RNF111: variants seen among roughly 807,000 people sequenced by gnomAD.
The protein encoded by RNF111 is E3 ubiquitin-protein ligase Arkadia.
A neutral mutation model predicts 95.1 loss-of-function variants in RNF111; 17 were observed. The observed-to-expected ratio is 0.18, with a 90% confidence interval of 0.12 to 0.27. The LOEUF is 0.27. Among genes scored for constraint, RNF111 ranks in the 10% least tolerant of loss-of-function variants. RNF111 has a pLI of 1.00. For synonymous variants in RNF111, 440 were observed against 414.8 expected (o/e 1.06, Z -0.74); for missense variants, 1,189 against 1,210.4 (o/e 0.98, Z 0.26).
chr15:59,047,849 A>T (rs1249705742), intron 2 of RNF111, among the ~76,000 whole-genome samples: 1 of 152,254 alleles, frequency 6.6e-6, no homozygotes, highest in African/African-American at 2.4e-5. Flanking sequence ...TGCTGGGATT[A>T]TAGGCGTGAG....
At chr15:59,049,425 C>A (rs1596199235) in intron 2 of RNF111, 1 of 174,730 alleles carries the variant, frequency 5.7e-6, no homozygotes, top group East Asian at 1.3e-4. Flanking sequence ...GTTATAGGTT[C>A]CAGCAGTTCA....
At chr15:59,052,605 A>C (rs1161179200) in intron 3 of RNF111, among the ~76,000 whole-genome samples, 174 bp downstream of exon 3, 1 of 139,876 alleles carries the variant, frequency 7.1e-6, no homozygotes, top group African/African-American at 2.8e-5. Context: ...AAGAGATAGA[A>C]TATTGCTATG....
chr15:59,031,446 G>T lies in RNF111; in HGVS notation c.624G>T (p.Arg208=), dbSNP rs767750345. The change falls in exon 2 of 14, where the codon CGG becomes CGT. Residue 208 remains arginine, a synonymous_variant. Transcript: ENST00000348370. ...CCTGTTTACATGGCAGTTCGTTACG[G>T]AGACTTCCATGCAGAAAGAGATTTG... ...KRPCLHGSSL[R]RLPCRKRFVK... is the part of the protein sequence containing the mutation. 1.4e-5 allele frequency: 23 copies of T among 1,614,082 alleles called. No homozygotes were observed. The highest frequency in any genetic ancestry group is 1.8e-5 in the Non-Finnish European group (21 of 1,180,058).
intron 2 of RNF111, among the ~76,000 whole-genome samples, chr15:59,047,110 A>G (rs558301821): frequency 9.6e-4 from 146 of 152,234 alleles, no homozygotes; most frequent in African/African-American, 3.3e-3. Flanking sequence ...GGCATGAGCC[A>G]TCATGCCTGG....
At chr15:59,012,242 C>A (rs1247152531) in intron 1 of RNF111, among the ~76,000 whole-genome samples, 6 of 152,004 alleles carry the variant, frequency 3.9e-5, no homozygotes, top group Admixed American at 3.9e-4. Flanking sequence ...TGGTCTCGAA[C>A]TTCTGACCTC....
At position 59,088,010 on chromosome 15, in the gene RNF111, T is replaced by A. The variant is rs80161405; in HGVS notation, c.2551-1657T>A. Among the ~76,000 whole-genome samples the A allele has an allele frequency of 9.6e-3, 1,466 of 152,270 alleles. 30 individuals are homozygous for A. The highest frequency in any genetic ancestry group is 0.037 in the East Asian group (191 of 5,182). On this transcript the variant is annotated intron_variant, in intron 10 of 13. Transcript: ENST00000348370. Reference sequence around the variant, plus strand: ...AGACAGTGAATATAGCCTTCTTGCTTTATAAGCTTGGCTGTGAAGGGAAAG... The same window carrying A: ...AGACAGTGAATATAGCCTTCTTGCTATATAAGCTTGGCTGTGAAGGGAAAG...
chr15:59,005,029 T>G (rs760843722), intron 1 of RNF111, among the ~76,000 whole-genome samples: 9 of 152,146 alleles, frequency 5.9e-5, no homozygotes, highest in Non-Finnish European at 1.2e-4. Flanking sequence ...CCTACATGGT[T>G]TAAATTATTT....
At chr15:59,014,486 C>T (rs2039974521) in intron 1 of RNF111, among the ~76,000 whole-genome samples, 1 of 152,130 alleles carries the variant, frequency 6.6e-6, no homozygotes, top group Non-Finnish European at 1.5e-5. Context: ...TAATACTTGG[C>T]AGTATCTATG....
At chr15:59,003,093 A>G (rs1470736883) in intron 1 of RNF111, among the ~76,000 whole-genome samples, 3 of 152,182 alleles carry the variant, frequency 2.0e-5, no homozygotes, top group African/African-American at 7.2e-5. Flanking sequence ...CCTGGCCTCA[A>G]GTGATCCTAC....
intron 4 of RNF111, among the ~76,000 whole-genome samples, chr15:59,057,033 A>G (rs1394574632): frequency 1.3e-5 from 2 of 152,154 alleles, no homozygotes; most frequent in East Asian, 3.9e-4. Context: ...CTTATTAAAA[A>G]TGAATCTAAA....
rs1431987396 is a variant in RNF111, at chr15:59,052,291, C to G, written c.881-14C>G. 3 of 1,544,388 alleles carry G rather than the reference C, an allele frequency of 1.9e-6. No homozygotes were observed. The South Asian group carries it at 3.9e-5, about 20-fold the overall frequency. ...AGGAAGATGCCTTTAAATGTTTTTT[C>G]TTTTTGTTTCCAGGAAGTATTGATG... On this transcript the variant is annotated splice_polypyrimidine_tract_variant and intron_variant, in intron 2 of 13. Transcript: ENST00000348370.
At chr15:59,030,185 A>G (rs1289510506) in intron 1 of RNF111, among the ~76,000 whole-genome samples, 1 of 152,292 alleles carries the variant, frequency 6.6e-6, no homozygotes, top group Middle Eastern at 3.4e-3. Context: ...TCTTGGCTCT[A>G]ATCTTTTTGT....
chr15:59,035,714 A>AC (rs2041144641), intron 2 of RNF111, among the ~76,000 whole-genome samples: 1 of 152,240 alleles, frequency 6.6e-6, no homozygotes, highest in Non-Finnish European at 1.5e-5. Flanking sequence ...AGGCAGAGGC[A>AC]AAATGCTGCC....
At chr15:59,045,734 T>C (rs1316194206) in intron 2 of RNF111, among the ~76,000 whole-genome samples, 3 of 152,260 alleles carry the variant, frequency 2.0e-5, no homozygotes, top group African/African-American at 7.2e-5. Flanking sequence ...TAATTTGAGT[T>C]AATTAACAAG....
chr15:59,074,478 C>A (rs12442134), intron 6 of RNF111, among the ~76,000 whole-genome samples: 40,285 of 152,044 alleles, frequency 0.26, 5,442 homozygotes, highest in Middle Eastern at 0.42. Context: ...GCACTTTTAT[C>A]TTATAGAGAT....
intron 2 of RNF111, among the ~76,000 whole-genome samples, chr15:59,045,715 C>T (rs1307424891): frequency 2.6e-5 from 4 of 152,094 alleles, no homozygotes; most frequent in Admixed American, 1.3e-4. Context: ...TACTTAATTC[C>T]ATATTTAATA....
intron 6 of RNF111, among the ~76,000 whole-genome samples, chr15:59,073,354 A>C (rs1385289306): frequency 6.6e-6 from 1 of 151,662 alleles, no homozygotes. Context: ...GGTGGCATGC[A>C]CCTGTAATCC....
chr15:59,037,792 C>T (rs947074181), intron 2 of RNF111, among the ~76,000 whole-genome samples: 7 of 152,172 alleles, frequency 4.6e-5, no homozygotes, highest in African/African-American at 9.6e-5. Flanking sequence ...GCCGAGATCA[C>T]GCCATTGCAC....
At chr15:59,079,655 C>G (rs1198897346) in intron 7 of RNF111, among the ~76,000 whole-genome samples, 1 of 145,764 alleles carries the variant, frequency 6.9e-6, no homozygotes, top group East Asian at 2.0e-4. Context: ...CTAAGACAAA[C>G]TTTTTTTTTT....
Sources: gnomAD v4.1 joint callset for allele counts (sites outside exome capture counted in the v4.1 genomes callset) on GRCh38, gnomAD v4.1.1 for gene constraint, MANE v1.5 for transcripts, NCBI Gene and HGNC (gene_info 2026-07-23, HGNC 2026-07-21) for gene names.